The following ARHGAP10 variants were observed in gnomAD, a reference collection of about 807,000 sequenced individuals.
The protein encoded by ARHGAP10 is Rho GTPase activating protein 10, also known as rho GTPase-activating protein 10.
Under a neutral mutation model 108.6 loss-of-function variants are expected in ARHGAP10, and 87 were observed. That is an observed-to-expected ratio of 0.80 (90% confidence interval 0.67 to 0.96). The LOEUF is 0.96. Ranked by LOEUF, ARHGAP10 falls within the 40% of genes least tolerant of loss-of-function variation. The pLI, the probability that ARHGAP10 is intolerant of heterozygous loss-of-function variation, is 0.00. For synonymous variants in ARHGAP10, 347 were observed against 341.1 expected, an observed-to-expected ratio of 1.02 and a Z score of -0.19; for missense variants, 939 against 954.5, an observed-to-expected ratio of 0.98 and a Z score of 0.21.
chr4:148,067,975 C>T (rs1729971544), intron 22 of ARHGAP10, among the ~76,000 whole-genome samples: 1 of 152,088 alleles, frequency 6.6e-6, no homozygotes, highest in South Asian at 2.1e-4. Context: ...GCTATGCCTC[C>T]CAACTCCCCC....
At chr4:147,750,359 A>G (rs1414233982) in intron 1 of ARHGAP10, among the ~76,000 whole-genome samples, 1 of 152,212 alleles carries the variant, frequency 6.6e-6, no homozygotes, top group Non-Finnish European at 1.5e-5. Context: ...AATGCATACC[A>G]AAAGTCAGAG....
intron 20 of ARHGAP10, among the ~76,000 whole-genome samples, chr4:148,050,365 CTTTTTTTTTTTT>C (rs11309245): frequency 1.7e-5 from 1 of 59,300 alleles, no homozygotes; most frequent in East Asian, 6.6e-4. Flanking sequence ...TCATCATCAT[CTTTTTTTTTTTT>C]TTTTTTTTTT....
chr4:147,942,725 T>G (rs1738205498), intron 14 of ARHGAP10, among the ~76,000 whole-genome samples: 1 of 152,178 alleles, frequency 6.6e-6, no homozygotes, highest in Non-Finnish European at 1.5e-5. Context: ...GCAGTTATTC[T>G]CCTCGAGGCC....
At chr4:147,814,999 C>T (rs928418976) in intron 1 of ARHGAP10, among the ~76,000 whole-genome samples, 3 of 152,156 alleles carry the variant, frequency 2.0e-5, no homozygotes, top group African/African-American at 2.4e-5. Flanking sequence ...TTCTTGGCGT[C>T]GAAGCCAAGA....
Position 147,784,689 on chromosome 4 carries a change from T to TATTATAAAATATATATTATAAATATA in ARHGAP10, c.155-38036_155-38035insTATAAAATATATATTATAAATATAAT, listed in dbSNP as rs1560756555. On this transcript the variant is annotated intron_variant, in intron 1 of 22. Transcript: ENST00000336498. ...TATATTATATATTATAAATATAAAA[T>TATTATAAAATATATATTATAAATATA]ATATATTATAAAATATATATTATAA... Among the ~76,000 whole-genome samples the TATTATAAAATATATATTATAAATATA allele has an allele frequency of 6.6e-5, 5 of 76,052 alleles. 2 individuals are homozygous for TATTATAAAATATATATTATAAATATA. The highest frequency in any genetic ancestry group is 1.5e-4 in the African/African-American group (3 of 19,542). 49.9% of individuals were successfully genotyped at this position (76,052 alleles called of 152,430 possible).
In ARHGAP10 at chr4:148,050,365, C is replaced by CTTTTT. The variant is rs11309245; in HGVS notation, c.2027+3336_2027+3340dup. On this transcript the variant is annotated intron_variant, in intron 20 of 22. Coordinates refer to ENST00000336498, the MANE Select transcript of ARHGAP10 (RefSeq NM_024605.4). ...CATTTGGTTTCTTACTCATCATCAT[C>CTTTTT]TTTTTTTTTTTTTTTTTTTTTTTTT... 2.3e-3 allele frequency among the ~76,000 whole-genome samples: 136 copies of CTTTTT among 59,308 alleles called. 3 individuals are homozygous for CTTTTT. The highest frequency in any genetic ancestry group is 4.0e-3 in the Non-Finnish European group (120 of 29,998). 38.9% of individuals were successfully genotyped at this position (59,308 alleles called of 152,430 possible).
intron 1 of ARHGAP10, among the ~76,000 whole-genome samples, chr4:147,773,653 T>C (rs1730167650): frequency 6.6e-6 from 1 of 152,218 alleles, no homozygotes; most frequent in African/African-American, 2.4e-5. Flanking sequence ...CTGTTTTTCG[T>C]GGGCAGAACT....
At chr4:147,771,098 C>T (rs1399081430) in intron 1 of ARHGAP10, among the ~76,000 whole-genome samples, 2 of 152,110 alleles carry the variant, frequency 1.3e-5, no homozygotes, top group Non-Finnish European at 2.9e-5. Context: ...AATCCTAGCA[C>T]TTTGGGAGGC....
intron 1 of ARHGAP10, among the ~76,000 whole-genome samples, chr4:147,750,360 A>G (rs977136135): frequency 5.3e-5 from 8 of 152,192 alleles, no homozygotes; most frequent in African/African-American, 1.9e-4. Context: ...ATGCATACCA[A>G]AAGTCAGAGT....
At chr4:147,764,239 A>G (rs1293971660) in intron 1 of ARHGAP10, among the ~76,000 whole-genome samples, 1 of 152,120 alleles carries the variant, frequency 6.6e-6, no homozygotes, top group Admixed American at 6.5e-5. Flanking sequence ...GTGGGGGAGT[A>G]ATGTGAGATG....
At chr4:147,982,726 C>T (rs929173477) in intron 18 of ARHGAP10, among the ~76,000 whole-genome samples, 1 of 151,796 alleles carries the variant, frequency 6.6e-6, no homozygotes, top group Admixed American at 6.6e-5. Context: ...TGCATTTTAA[C>T]CTCTCAAGCA....
chr4:147,970,641 A>G (rs1247970719), intron 18 of ARHGAP10, among the ~76,000 whole-genome samples: 1 of 152,230 alleles, frequency 6.6e-6, no homozygotes, highest in African/African-American at 2.4e-5. Flanking sequence ...TAATTAAAGC[A>G]AGATTGCTCT....
intron 3 of ARHGAP10, among the ~76,000 whole-genome samples, chr4:147,824,606 G>A (rs949180086): frequency 6.6e-6 from 1 of 152,086 alleles, no homozygotes; most frequent in Non-Finnish European, 1.5e-5. Flanking sequence ...CATGGTGGTG[G>A]AAGGCAAAGG....
At chr4:147,877,337 A>T (rs1334024343) in intron 8 of ARHGAP10, among the ~76,000 whole-genome samples, 1 of 152,140 alleles carries the variant, frequency 6.6e-6, no homozygotes, top group Non-Finnish European at 1.5e-5. Context: ...TCCCAAATTC[A>T]GGTCTTTGGA....
At chr4:147,810,216 T>A (rs2126771093) in intron 1 of ARHGAP10, among the ~76,000 whole-genome samples, 1 of 152,368 alleles carries the variant, frequency 6.6e-6, no homozygotes, top group Admixed American at 6.5e-5. Flanking sequence ...TACTGTTTCA[T>A]TGTTCGAAAC....
chr4:147,941,282 C>A (rs1009740430), intron 14 of ARHGAP10, among the ~76,000 whole-genome samples: 16 of 152,122 alleles, frequency 1.1e-4, no homozygotes, highest in African/African-American at 3.6e-4. Flanking sequence ...AAAGTTTGAA[C>A]AAGGGTTTTT....
intron 18 of ARHGAP10, among the ~76,000 whole-genome samples, chr4:147,973,846 A>G (rs1739500915): frequency 6.6e-6 from 1 of 152,288 alleles, no homozygotes; most frequent in South Asian, 2.1e-4. Context: ...AGTTCCATCC[A>G]TGCCATTGTA....
At chr4:148,049,859 G>C (rs1033281944) in intron 20 of ARHGAP10, among the ~76,000 whole-genome samples, 1 of 137,776 alleles carries the variant, frequency 7.3e-6, no homozygotes, top group Non-Finnish European at 1.6e-5. Flanking sequence ...GGGGGCGGGG[G>C]GTGGTGGTGG....
At chr4:148,011,952 CAGAT>C (rs1247535155) in intron 18 of ARHGAP10, among the ~76,000 whole-genome samples, 16 of 152,152 alleles carry the variant, frequency 1.1e-4, no homozygotes, top group Admixed American at 1.0e-3. Flanking sequence ...GTAAGAATAA[CAGAT>C]AGTGCTGGGT....
Sources: allele counts gnomAD v4.1 joint callset (sites outside exome capture counted in the v4.1 genomes callset), GRCh38; gene constraint gnomAD v4.1.1; transcripts MANE v1.5; gene names NCBI Gene and HGNC (gene_info 2026-07-23, HGNC 2026-07-21).